Variants in LRRC63 observed in about 807,000 individuals in gnomAD.
LRRC63 encodes leucine-rich repeat-containing protein 63.
A neutral mutation model predicts 49.5 loss-of-function variants in LRRC63; 40 were observed. That is an observed-to-expected ratio of 0.81 (90% confidence interval 0.63 to 1.05). LRRC63 has a LOEUF of 1.05. LRRC63 is among the 50% of genes least tolerant of loss of function. The pLI is 0.00. For missense variants in LRRC63, 636 were observed against 663.1 expected (o/e 0.96, Z 0.45); for synonymous variants, 191 against 221.1 (o/e 0.86, Z 1.21).
intron 8 of LRRC63, among the ~76,000 whole-genome samples, chr13:46,265,455 C>G (rs80058045): frequency 5.2e-4 from 79 of 152,314 alleles, no homozygotes; most frequent in Non-Finnish European, 8.1e-4. Context: ...AGTCCAATAT[C>G]AAGGCCCCAG....
intron 2 of LRRC63, among the ~76,000 whole-genome samples, chr13:46,222,962 C>CA (rs1303056140): frequency 2.7e-5 from 4 of 147,926 alleles, no homozygotes; most frequent in African/African-American, 7.5e-5. Flanking sequence ...ATCACAAGGA[C>CA]AAAAAACCAA....
At chr13:46,227,999 C>T (rs1423057872) in exon 3 of LRRC63, 2 of 1,551,084 alleles carry the variant, frequency 1.3e-6, no homozygotes, top group South Asian at 1.2e-5. Context: ...CTTATCAGCA[C>T]ATCTCGAGAG....
intron 9 of LRRC63, among the ~76,000 whole-genome samples, chr13:46,276,001 T>A (rs2047831111): frequency 1.3e-5 from 2 of 152,152 alleles, no homozygotes; most frequent in Admixed American, 1.3e-4. Flanking sequence ...TGTTTTGTAT[T>A]CCCCGATTAC....
chr13:46,257,856 T>C lies in LRRC63; in HGVS notation c.1227-4053T>C, dbSNP rs554078518. Among the ~76,000 whole-genome samples, 12 of 152,302 alleles carry C rather than the reference T, an allele frequency of 7.9e-5. No individual in the cohort carries two copies. The East Asian group carries it at 2.3e-3, about 29-fold the overall frequency. On this transcript the variant is annotated intron_variant, in intron 7 of 9. Transcript: ENST00000595396. ...AAGCATTGTATTTAAAAGATTGTCT[T>C]TTTAATTCTTTTCATTATTAGTCTT...
exon 3 of LRRC63, chr13:46,228,105 A>G: frequency 6.4e-7 from 1 of 1,550,482 alleles, no homozygotes; most frequent in Non-Finnish European, 8.7e-7. Context: ...TGCTACATTG[A>G]CACTAAGAGT....
Position 46,258,642 on chromosome 13 carries a change from T to A in LRRC63, c.1227-3267T>A, listed in dbSNP as rs1196089800. Among the ~76,000 whole-genome samples the A allele has an allele frequency of 1.5e-4, 23 of 150,472 alleles. No individual in the cohort carries two copies. In the East Asian group the frequency reaches 4.5e-3, roughly 29 times the overall value. On this transcript the variant is annotated intron_variant, in intron 7 of 9. Transcript: ENST00000595396. ...GGCCAACATGGTGAAACCCCATCTC[T>A]ACTAAAAATACAAAAATTAGCTGGG...
chr13:46,271,709 C>T (rs532135744), intron 9 of LRRC63, among the ~76,000 whole-genome samples: 10 of 138,266 alleles, frequency 7.2e-5, no homozygotes, highest in Middle Eastern at 3.6e-3. Flanking sequence ...AATGCTTTCA[C>T]ATCATTTAAA....
intron 9 of LRRC63, among the ~76,000 whole-genome samples, chr13:46,268,762 G>A (rs1454050822): frequency 6.6e-6 from 1 of 151,690 alleles, no homozygotes; most frequent in African/African-American, 2.4e-5. Flanking sequence ...CAAGTTCTGA[G>A]AGGCAAGAAG....
intron 2 of LRRC63, among the ~76,000 whole-genome samples, chr13:46,225,555 T>C (rs990410050): frequency 3.9e-5 from 6 of 152,132 alleles, no homozygotes; most frequent in Non-Finnish European, 8.8e-5. Flanking sequence ...TATGGTGAGA[T>C]GGTGGTAGTT....
chr13:46,261,644 C>CAAT (rs901189479), intron 7 of LRRC63, among the ~76,000 whole-genome samples: 1 of 151,984 alleles, frequency 6.6e-6, no homozygotes, highest in African/African-American at 2.4e-5. Flanking sequence ...ACAACAACAA[C>CAAT]AAAAAAGTAT....
intron 6 of LRRC63, among the ~76,000 whole-genome samples, chr13:46,249,679 G>A (rs773966133): frequency 2.6e-5 from 4 of 151,768 alleles, no homozygotes; most frequent in Non-Finnish European, 5.9e-5. Flanking sequence ...GATGCTTCCT[G>A]ATTACAAGAA....
chr13:46,270,236 C>G (rs975919371), intron 9 of LRRC63: 1 of 878,302 alleles, frequency 1.1e-6, no homozygotes, highest in Non-Finnish European at 2.0e-6. Context: ...GGCAGAATCT[C>G]ATCCAGTTCT....
At chr13:46,276,452 A>G (rs79887412) in intron 9 of LRRC63, 138 bp from the exon 10 acceptor site, 4,127 of 400,180 alleles carry the variant, frequency 0.01, 146 homozygotes, top group African/African-American at 0.077. Context: ...TTAGTCTTTC[A>G]CTTAATGGGT....
Position 46,266,999 on chromosome 13 carries a change from C to T in LRRC63, c.1550+27C>T, listed in dbSNP as rs1489874709. On this transcript the variant is annotated intron_variant, in intron 9 of 9. Transcript: ENST00000595396. ...TGAGCAAATGCTGAAGCCCTTTTAACCAAAATATACCTTTAAGCATTAAAA... is the reference window on the plus strand; with the variant it reads ...TGAGCAAATGCTGAAGCCCTTTTAATCAAAATATACCTTTAAGCATTAAAA... The T allele has an allele frequency of 6.7e-6, 10 of 1,493,748 alleles. No homozygotes were observed. The Admixed American group carries it at 9.7e-5, about 14-fold the overall frequency. 92.5% of individuals were successfully genotyped at this position (1,493,748 alleles called of 1,614,324 possible).
chr13:46,245,614 AAAC>A lies in LRRC63; in HGVS notation c.991-908_991-906del, dbSNP rs555047936. Among the ~76,000 whole-genome samples the A allele has an allele frequency of 1.1e-4, 17 of 152,314 alleles. No individual in the cohort carries two copies. The South Asian group carries it at 3.3e-3, about 30-fold the overall frequency. On this transcript the variant is annotated intron_variant, in intron 5 of 9. Coordinates refer to ENST00000595396, the Ensembl canonical transcript of LRRC63. ...AAAAAGCACTAAGTGTTTGGAAATC[AAAC>A]AACACACTAATTAAAAAATAGGTCA...
chr13:46,267,293 G>A (rs148392323), intron 9 of LRRC63, among the ~76,000 whole-genome samples: 1 of 152,244 alleles, frequency 6.6e-6, no homozygotes, highest in East Asian at 1.9e-4. Flanking sequence ...AAATTATTTG[G>A]CTCCAGACAC....
At chr13:46,217,056 G>A (rs1385036382) in intron 2 of LRRC63, among the ~76,000 whole-genome samples, 1 of 152,150 alleles carries the variant, frequency 6.6e-6, no homozygotes, top group East Asian at 1.9e-4. Context: ...CAGGGATATT[G>A]GCCTGAAATT....
Position 46,217,691 on chromosome 13 carries a change from G to C in LRRC63, c.85+4572G>C, listed in dbSNP as rs960607279. Among the ~76,000 whole-genome samples, 3 of 152,216 alleles carry C rather than the reference G, an allele frequency of 2.0e-5. No individual in the cohort carries two copies. The East Asian group carries it at 5.8e-4, about 29-fold the overall frequency. On this transcript the variant is annotated intron_variant, in intron 2 of 9. Coordinates refer to ENST00000595396, the Ensembl canonical transcript of LRRC63. Reference sequence around the variant, plus strand: ...TCTTGCTTCTCTAGTTCTTTTAATTGTGATGTTAGGGTGTCAATTTTACAT... The same window carrying C: ...TCTTGCTTCTCTAGTTCTTTTAATTCTGATGTTAGGGTGTCAATTTTACAT...
chr13:46,219,241 T>C (rs936332311), intron 2 of LRRC63, among the ~76,000 whole-genome samples: 3 of 152,254 alleles, frequency 2.0e-5, no homozygotes, highest in African/African-American at 7.2e-5. Flanking sequence ...GGTACACCAA[T>C]CAAATGTAGG....
Sources: allele counts gnomAD v4.1 joint callset (sites outside exome capture counted in the v4.1 genomes callset), GRCh38; gene constraint gnomAD v4.1.1; transcripts MANE v1.5; gene names NCBI Gene and HGNC (gene_info 2026-07-23, HGNC 2026-07-21).